The following SMYD2 variants were observed in gnomAD, a reference collection of about 807,000 sequenced individuals.
SMYD2 encodes the protein SET and MYND domain containing 2, also known as N-lysine methyltransferase SMYD2.
In SMYD2, 53 loss-of-function variants were observed where a neutral mutation model predicts 59.1. That is an observed-to-expected ratio of 0.90 (90% confidence interval 0.72 to 1.13). The LOEUF (loss-of-function observed/expected upper bound fraction) is 1.13. SMYD2 is among the 50% of genes most tolerant of loss of function. The pLI, the probability that SMYD2 is intolerant of heterozygous loss-of-function variation, is 0.00. For missense variants in SMYD2, 494 were observed against 544.7 expected (o/e 0.91, Z 0.93); for synonymous variants, 208 against 198.8 (o/e 1.05, Z -0.39).
intron 8 of SMYD2, among the ~76,000 whole-genome samples, chr1:214,330,721 T>G (rs1221985215): frequency 6.6e-6 from 1 of 152,242 alleles, no homozygotes; most frequent in Non-Finnish European, 1.5e-5. Flanking sequence ...GCCAACACAT[T>G]TTAGATAAGG....
chr1:214,299,726 C>T (rs535009460), intron 1 of SMYD2, among the ~76,000 whole-genome samples: 1 of 152,284 alleles, frequency 6.6e-6, no homozygotes, highest in Non-Finnish European at 1.5e-5. Flanking sequence ...CCTGCCTCAG[C>T]CTCCCAAGTA....
chr1:214,281,165 C>T lies in SMYD2; in HGVS notation c.-90C>T, dbSNP rs1437684529. The T allele has an allele frequency of 4.9e-6, 5 of 1,014,440 alleles. No homozygotes were observed. The highest frequency in any genetic ancestry group is 1.7e-5 in the African/African-American group (1 of 59,160). 62.8% of individuals were successfully genotyped at this position (1,014,440 alleles called of 1,614,324 possible). A position where few individuals can be genotyped will look rare whatever the true frequency, so the allele number is the denominator to read the frequency against. Reference sequence around the variant, plus strand: ...CGTCCGCCGGGCGGCTCCCACCCCGCCCCCCGCAGCTCTAGGTGACGCGTC... The same window carrying T: ...CGTCCGCCGGGCGGCTCCCACCCCGTCCCCCGCAGCTCTAGGTGACGCGTC... On this transcript the variant is annotated 5_prime_UTR_variant, in exon 1 of 12. Transcript: ENST00000366957.
In SMYD2 at chr1:214,332,121, G is replaced by A. The variant is rs1657365443; in HGVS notation, c.1041G>A (p.Met347Ile). Residue 347 changes from methionine (M) to isoleucine (I), a missense_variant, in exon 10 of 12, where the codon ATG (methionine) becomes ATA (isoleucine). Transcript: ENST00000366957. ...VYMLHMMYQAMGVCLYMQDWE... is the reference protein window; with the variant it reads ...VYMLHMMYQAIGVCLYMQDWE... ...TGTTGCACATGATGTACCAGGCCATGGGTGTCTGCTTGTACATGCAGGACT... is the reference window on the plus strand; with the variant it reads ...TGTTGCACATGATGTACCAGGCCATAGGTGTCTGCTTGTACATGCAGGACT... 1 of 1,614,066 alleles carries A rather than the reference G, an allele frequency of 6.2e-7. No homozygotes were observed. Among genetic ancestry groups the A allele is most frequent in the African/African-American group, 1.3e-5 (1 of 74,932 alleles).
chr1:214,294,980 A>C (rs1656700069), intron 1 of SMYD2, among the ~76,000 whole-genome samples: 2 of 152,214 alleles, frequency 1.3e-5, no homozygotes. Flanking sequence ...AGGGGAATCT[A>C]ATAATATTGG....
At chr1:214,300,469 C>T (rs1261093079) in intron 1 of SMYD2, among the ~76,000 whole-genome samples, 5 of 152,082 alleles carry the variant, frequency 3.3e-5, no homozygotes, top group Admixed American at 3.3e-4. Flanking sequence ...GTTCCCTCCC[C>T]ATATCTCATT....
At chr1:214,314,183 A>G (rs1391405336) in intron 2 of SMYD2, among the ~76,000 whole-genome samples, 1 of 152,168 alleles carries the variant, frequency 6.6e-6, no homozygotes, top group Non-Finnish European at 1.5e-5. Flanking sequence ...CTCAAAAAAA[A>G]AAAAGGAAAG....
At chr1:214,300,718 A>G (rs1656810037) in intron 1 of SMYD2, among the ~76,000 whole-genome samples, 3 of 152,210 alleles carry the variant, frequency 2.0e-5, no homozygotes, top group Admixed American at 2.0e-4. Flanking sequence ...TGGAAACAAA[A>G]TGTGTGAATT....
chr1:214,316,301 T>A (rs941020923), intron 3 of SMYD2, among the ~76,000 whole-genome samples: 6 of 151,878 alleles, frequency 4.0e-5, no homozygotes, highest in African/African-American at 1.5e-4. Context: ...TGAGACCCAT[T>A]CTCTATAATA....
intron 1 of SMYD2, among the ~76,000 whole-genome samples, chr1:214,294,366 T>A (rs1304789734): frequency 6.6e-6 from 1 of 152,202 alleles, no homozygotes; most frequent in Non-Finnish European, 1.5e-5. Flanking sequence ...TGTAGGCAAT[T>A]AAAAAGATAA....
Position 214,334,210 on chromosome 1 carries a change from C to A in SMYD2, c.1123C>A (p.Pro375Thr). 1.9e-6 allele frequency: 3 copies of A among 1,613,852 alleles called. No individual in the cohort carries two copies. The highest frequency in any genetic ancestry group is 2.2e-5 in the South Asian group (2 of 91,078). Residue 375 changes from proline (P) to threonine (T), a missense_variant, in exon 11 of 12, where the codon CCT (proline) becomes ACT (threonine). Physicochemically the swap from Pro to Thr is conservative, Grantham distance 38. Coordinates refer to ENST00000366957, the MANE Select transcript of SMYD2 (RefSeq NM_020197.3). Reference sequence around the variant, plus strand: ...CTTCTCTTGTTCTAGTAAGCACTATCCTTTGTACTCCCTCAACGTGGCCTC... The same window carrying A: ...CTTCTCTTGTTCTAGTAAGCACTATACTTTGTACTCCCTCAACGTGGCCTC... ...KIIKPYSKHY[P>T]LYSLNVASMW...
At chr1:214,295,122 TTCAA>T (rs1191599542) in intron 1 of SMYD2, among the ~76,000 whole-genome samples, 7 of 152,184 alleles carry the variant, frequency 4.6e-5, no homozygotes, top group Non-Finnish European at 7.3e-5. Flanking sequence ...CTTTTGACTT[TTCAA>T]TCAGAGGGCA....
At position 214,314,774 on chromosome 1, in the gene SMYD2, C is replaced by T. The variant is rs1343534465; in HGVS notation, c.250C>T (p.Pro84Ser). 6.2e-7 allele frequency: 1 copy of T among 1,613,566 alleles called. No homozygotes were observed. Among genetic ancestry groups the T allele is most frequent in the South Asian group, 1.1e-5 (1 of 91,044 alleles). Reference sequence around the variant, plus strand: ...TCAATCTTCCCAGAAAGAAGATTGGCCCATGCACAAGCTGGAATGTTCTCC... The same window carrying T: ...TCAATCTTCCCAGAAAGAAGATTGGTCCATGCACAAGCTGGAATGTTCTCC... ...CNVECQKEDW[P>S]MHKLECSPMV... The change falls in exon 3 of 12, where the codon CCC becomes TCC. Residue 84 changes from proline to serine, a missense_variant. Physicochemically the swap from Pro to Ser is moderately conservative, Grantham distance 74. Coordinates refer to ENST00000366957, the MANE Select transcript of SMYD2 (RefSeq NM_020197.3).
chr1:214,311,541 G>A (rs1242231100), intron 2 of SMYD2, among the ~76,000 whole-genome samples: 1 of 152,142 alleles, frequency 6.6e-6, no homozygotes, highest in East Asian at 1.9e-4. Flanking sequence ...ATAAAATGCA[G>A]GTTTCTTGAG....
At chr1:214,306,380 C>T (rs1051073754) in intron 2 of SMYD2, among the ~76,000 whole-genome samples, 1 of 152,152 alleles carries the variant, frequency 6.6e-6, no homozygotes, top group African/African-American at 2.4e-5. Context: ...CTGACTGTAG[C>T]GCCCCAGGGA....
chr1:214,333,042 G>A (rs1036799878), intron 10 of SMYD2: 4 of 152,260 alleles, frequency 2.6e-5, no homozygotes, highest in African/African-American at 7.2e-5. Flanking sequence ...GGTCTGTGAA[G>A]GTTGTGTCTG....
chr1:214,305,364 G>GCCACATCCTAT, intron 2 of SMYD2, 114 bp downstream of exon 2: 1 of 1,044,728 alleles, frequency 9.6e-7, no homozygotes, highest in Non-Finnish European at 1.5e-6. Flanking sequence ...CATAGGATGT[G>GCCACATCCTAT]GCTGGATATC....
Position 214,336,780 on chromosome 1 carries a change from A to C in SMYD2, c.1298A>C (p.His433Pro). Residue 433 changes from histidine to proline, a missense_variant, in exon 12 of 12, where the codon CAC becomes CCC. Transcript: ENST00000366957. ...GAGATCAAACAGGAAATTGAAAGCC[A>C]CTGAAACTATGCAGCATTTCAGTTT... ...ISEIKQEIES[H>P] is the part of the protein sequence containing the mutation. 1 of 1,613,124 alleles carries C rather than the reference A, an allele frequency of 6.2e-7. No individual in the cohort carries two copies. Among genetic ancestry groups the C allele is most frequent in the South Asian group, 1.1e-5 (1 of 90,980 alleles).
At chr1:214,294,484 A>G (rs1209560647) in intron 1 of SMYD2, among the ~76,000 whole-genome samples, 3 of 152,202 alleles carry the variant, frequency 2.0e-5, no homozygotes, top group African/African-American at 7.2e-5. Context: ...CCTGGCCAAC[A>G]TGGTGAAACC....
chr1:214,318,830 T>C lies in SMYD2; in HGVS notation c.410-29T>C. Reference sequence around the variant, plus strand: ...TAGCTAGAAATCCCACGCTTTCTACTGGGTGAATAATGGATTATTTATCCA... The same window carrying C: ...TAGCTAGAAATCCCACGCTTTCTACCGGGTGAATAATGGATTATTTATCCA... On this transcript the variant is annotated intron_variant, in intron 4 of 11. Transcript: ENST00000366957. The surrounding 1 kb of genome is among the most constrained non-coding windows in gnomAD (Gnocchi z 5.4). 1 of 1,611,480 alleles carries C rather than the reference T, an allele frequency of 6.2e-7. No individual in the cohort carries two copies. The highest frequency in any genetic ancestry group is 8.5e-7 in the Non-Finnish European group (1 of 1,179,050).
Sources: allele counts gnomAD v4.1 joint callset (sites outside exome capture counted in the v4.1 genomes callset), GRCh38; gene constraint gnomAD v4.1.1; non-coding constraint Gnocchi (gnomAD v3.1); transcripts MANE v1.5; gene names NCBI Gene and HGNC (gene_info 2026-07-23, HGNC 2026-07-21).